Variants in LUZP2 observed in about 807,000 individuals in gnomAD.
LUZP2 encodes leucine zipper protein 2.
A neutral mutation model predicts 51.6 loss-of-function variants in LUZP2; 52 were observed. The ratio of observed to expected loss-of-function variants is 1.01; its 90% CI spans 0.81 to 1.27. The LOEUF (loss-of-function observed/expected upper bound fraction) is 1.27. LUZP2 is among the 50% of genes most tolerant of loss of function. LUZP2 has a pLI of 0.00. For missense variants in LUZP2, 436 were observed against 395.4 expected, an observed-to-expected ratio of 1.10 and a Z score of -0.87; for synonymous variants, 154 against 137.3, an observed-to-expected ratio of 1.12 and a Z score of -0.85.
intron 1 of LUZP2, among the ~76,000 whole-genome samples, chr11:24,569,312 CAA>C (rs1852348617): frequency 6.6e-6 from 1 of 151,918 alleles, no homozygotes; most frequent in Admixed American, 6.6e-5. Context: ...AGCAGGAACT[CAA>C]AATAAAAATG....
intron 5 of LUZP2, among the ~76,000 whole-genome samples, chr11:24,836,047 A>G (rs1051844791): frequency 3.9e-5 from 6 of 151,994 alleles, no homozygotes; most frequent in Non-Finnish European, 2.9e-5. Flanking sequence ...GGTTAATAGC[A>G]TAGACTATGG....
At chr11:24,621,773 A>G (rs1233308192) in intron 1 of LUZP2, among the ~76,000 whole-genome samples, 2 of 152,118 alleles carry the variant, frequency 1.3e-5, no homozygotes, top group Non-Finnish European at 2.9e-5. Flanking sequence ...TTAATAGAAC[A>G]TTGTCTTCAA....
intron 5 of LUZP2, among the ~76,000 whole-genome samples, chr11:24,899,474 A>C (rs558280316): frequency 2.0e-5 from 3 of 152,210 alleles, no homozygotes; most frequent in Non-Finnish European, 4.4e-5. Flanking sequence ...ATTATATTAA[A>C]TTACATGTAA....
rs530415086 is a variant in LUZP2, at chr11:24,552,155, A to C, written c.62+54850A>C. ...AAGAAAAACTGGCCTATTTTCTTCC[A>C]AATGTAGATTCAGTATCTTAAATAA... On this transcript the variant is annotated intron_variant, in intron 1 of 11. Coordinates refer to ENST00000336930, the MANE Select transcript of LUZP2 (RefSeq NM_001009909.4). 7.2e-5 allele frequency among the ~76,000 whole-genome samples: 11 copies of C among 152,190 alleles called. No individual in the cohort carries two copies. The East Asian group carries it at 2.1e-3, about 29-fold the overall frequency.
chr11:25,036,996 C>A (rs1857885861), intron 9 of LUZP2, among the ~76,000 whole-genome samples: 1 of 152,106 alleles, frequency 6.6e-6, no homozygotes, highest in Admixed American at 6.6e-5. Flanking sequence ...AAGTTTTAGA[C>A]TAGAATCTCT....
chr11:24,535,112 G>A (rs1460696729), intron 1 of LUZP2, among the ~76,000 whole-genome samples: 2 of 144,410 alleles, frequency 1.4e-5, no homozygotes, highest in African/African-American at 5.0e-5. Flanking sequence ...AATGTCTAGG[G>A]TTAATTAAAA....
intron 1 of LUZP2, among the ~76,000 whole-genome samples, chr11:24,510,109 C>T (rs951722621): frequency 1.3e-5 from 2 of 152,064 alleles, no homozygotes; most frequent in African/African-American, 2.4e-5. Flanking sequence ...TAGCTTAAAC[C>T]CAGCGCTCTG....
In LUZP2 at chr11:25,002,246, C is replaced by T. The variant is rs186483930; in HGVS notation, c.765+18953C>T. On this transcript the variant is annotated intron_variant, in intron 9 of 11. Coordinates refer to ENST00000336930, the MANE Select transcript of LUZP2 (RefSeq NM_001009909.4). ...GGTTACATCACTAACTATGGCATAA[C>T]CTGCTCTTCATATCCCATTCTCCAC... Among the ~76,000 whole-genome samples the T allele has an allele frequency of 3.6e-4, 55 of 152,314 alleles. No homozygotes were observed. In the East Asian group the frequency reaches 8.1e-3, roughly 22 times the overall value.
chr11:24,706,024 G>T (rs1565088813), intron 1 of LUZP2, among the ~76,000 whole-genome samples: 1 of 152,076 alleles, frequency 6.6e-6, no homozygotes, highest in Non-Finnish European at 1.5e-5. Context: ...AACGCCCAGG[G>T]TGAGACTACC....
chr11:24,931,309 A>T (rs903740998), intron 7 of LUZP2, among the ~76,000 whole-genome samples: 2 of 152,068 alleles, frequency 1.3e-5, no homozygotes, highest in South Asian at 4.1e-4. Flanking sequence ...GATTGGGTTA[A>T]TTCAAAAGCC....
chr11:24,831,655 C>CTACA (rs1435396341), intron 5 of LUZP2, among the ~76,000 whole-genome samples: 4 of 152,004 alleles, frequency 2.6e-5, no homozygotes, highest in African/African-American at 9.7e-5. Context: ...TTGCTATGAA[C>CTACA]GTTGTAGCAT....
At chr11:24,887,653 G>A (rs1176322877) in intron 5 of LUZP2, among the ~76,000 whole-genome samples, 1 of 152,212 alleles carries the variant, frequency 6.6e-6, no homozygotes, top group African/African-American at 2.4e-5. Flanking sequence ...AGTTAAACTT[G>A]TATTCAAAAT....
chr11:25,075,326 T>G (rs1859268622), intron 10 of LUZP2, among the ~76,000 whole-genome samples: 1 of 152,222 alleles, frequency 6.6e-6, no homozygotes. Context: ...CTGTATACTG[T>G]AGGCTTATTT....
intron 9 of LUZP2, among the ~76,000 whole-genome samples, chr11:24,996,765 C>T (rs750224849): frequency 6.6e-6 from 1 of 151,984 alleles, no homozygotes; most frequent in African/African-American, 2.4e-5. Flanking sequence ...GCTATCCCTC[C>T]CCCTCTCCCC....
rs184086052 is a variant in LUZP2, at chr11:24,682,387, C to T, written c.63-46782C>T. ...GCAAGTGTCTGTAATCCTAGCTACT[C>T]GGGAGGCTGAGGCAGGAGAATGGCT... is the stretch of plus-strand genomic sequence containing the variant. On this transcript the variant is annotated intron_variant, in intron 1 of 11. Transcript: ENST00000336930. Among the ~76,000 whole-genome samples, 75 of 151,280 alleles carry T rather than the reference C, an allele frequency of 5.0e-4. No individual in the cohort carries two copies. In the East Asian group the frequency reaches 8.1e-3, roughly 16 times the overall value.
intron 7 of LUZP2, among the ~76,000 whole-genome samples, chr11:24,925,884 C>T (rs1214028307): frequency 7.9e-5 from 12 of 151,970 alleles, no homozygotes; most frequent in Admixed American, 6.6e-4. Flanking sequence ...TCATTTATCC[C>T]TCACCTCCCT....
intron 9 of LUZP2, among the ~76,000 whole-genome samples, chr11:25,001,114 T>G (rs137958519): frequency 9.4e-4 from 143 of 152,322 alleles, no homozygotes; most frequent in African/African-American, 3.3e-3. Context: ...CTGTTAACTT[T>G]TAGCAAACTC....
At chr11:24,502,557 C>A (rs747135691) in intron 1 of LUZP2, among the ~76,000 whole-genome samples, 5 of 151,728 alleles carry the variant, frequency 3.3e-5, no homozygotes, top group Non-Finnish European at 7.4e-5. Context: ...CTGATTTTTT[C>A]GTATTTTTAG....
chr11:24,794,879 G>A (rs759673350), intron 5 of LUZP2, among the ~76,000 whole-genome samples: 12 of 151,988 alleles, frequency 7.9e-5, no homozygotes, highest in Non-Finnish European at 1.6e-4. Context: ...TTGTTAACAA[G>A]GTAGTTAATT....
Sources: gnomAD v4.1 joint callset for allele counts (sites outside exome capture counted in the v4.1 genomes callset) on GRCh38, gnomAD v4.1.1 for gene constraint, MANE v1.5 for transcripts, NCBI Gene and HGNC (gene_info 2026-07-23, HGNC 2026-07-21) for gene names.